SLC7A10: variants seen among roughly 807,000 people sequenced by gnomAD.
SLC7A10 encodes the protein asc-type amino acid transporter 1.
Under a neutral mutation model 52.7 loss-of-function variants are expected in SLC7A10, and 30 were observed. The ratio of observed to expected loss-of-function variants is 0.57; its 90% CI spans 0.43 to 0.77. The LOEUF is 0.77. Ranked by LOEUF, SLC7A10 falls within the 30% of genes least tolerant of loss-of-function variation. The pLI is 0.00. For missense variants in SLC7A10, 581 were observed against 698.5 expected (o/e 0.83, Z 1.90); for synonymous variants, 318 against 314.9 (o/e 1.01, Z -0.10).
In SLC7A10 at chr19:33,210,033, C is replaced by T. The variant is rs763489379; in HGVS notation, c.1263+434G>A. On this transcript the variant is annotated intron_variant, in intron 9 of 10. Transcript: ENST00000253188. This position sits in a 1 kb window ranked among gnomAD's most constrained non-coding sequence, Gnocchi z 5.6. ...ACCGCTCACTGCAGCCTCAACCTCC[C>T]GGGCTCAAGCGATCCTCCCATTTCA... 2.0e-5 allele frequency among the ~76,000 whole-genome samples: 3 copies of T among 151,920 alleles called. No individual in the cohort carries two copies. The highest frequency in any genetic ancestry group is 2.9e-5 in the Non-Finnish European group (2 of 67,970).
chr19:33,223,023 G>T (rs183290154), intron 1 of SLC7A10, among the ~76,000 whole-genome samples: 10 of 152,128 alleles, frequency 6.6e-5, no homozygotes, highest in Non-Finnish European at 1.2e-4. Flanking sequence ...GAAGCAGGAC[G>T]TTGGCTGGGC....
At position 33,215,955 on chromosome 19, in the gene SLC7A10, C is replaced by A. The variant is rs1300364139; in HGVS notation, c.170G>T (p.Gly57Val). The change falls in exon 2 of 11, where the codon GGC becomes GTC. Residue 57 changes from glycine (G) to valine (V), a missense_variant. Transcript: ENST00000253188. ...TIIIGNIIGS[G>V]IFISPKGVLE... ...GACCCCCTTGGGCGAGATGAAGATG[C>A]CCGAGCCGATGATGTTCCCTGCAGG... 2.8e-5 allele frequency: 45 copies of A among 1,586,398 alleles called. No individual in the cohort carries two copies. The highest frequency in any genetic ancestry group is 3.4e-5 in the Non-Finnish European group (39 of 1,160,710).
chr19:33,213,249 C>T (rs946311631), intron 2 of SLC7A10, among the ~76,000 whole-genome samples: 2 of 151,892 alleles, frequency 1.3e-5, no homozygotes, highest in Non-Finnish European at 2.9e-5. Flanking sequence ...GTGGGGCAGG[C>T]GCTGGGAACA....
rs1357867562 is a variant in SLC7A10 at position 33,209,022 on chromosome 19, C to CT, written c.1442-2dup. ...TCCTGGCCCCAGTGTGTCATGGACT[C>CT]TGAGGACAGACAGATGGACCTTGGG... On this transcript the variant is annotated splice_acceptor_variant, in intron 10 of 10. Coordinates refer to ENST00000253188, the MANE Select transcript of SLC7A10 (RefSeq NM_019849.3). LOFTEE classifies it high-confidence loss of function. 6.2e-7 allele frequency: 1 copy of CT among 1,613,664 alleles called. No individual in the cohort carries two copies. Among genetic ancestry groups the CT allele is most frequent in the Non-Finnish European group, 8.5e-7 (1 of 1,180,012 alleles).
Position 33,209,379 on chromosome 19 carries a change from AG to A in SLC7A10, c.1369del (p.Thr458ArgfsTer26). ...CAGAAAGAAAATGGGCACCCCCGTA[AG>A]GATGATGATGACGCCGACCCCACAG... ...MVCGVGVIII[L>X]TGVPIFFLGV... On this transcript the variant is annotated frameshift_variant, in exon 10 of 11. Coordinates refer to ENST00000253188, the MANE Select transcript of SLC7A10 (RefSeq NM_019849.3). LOFTEE classifies it high-confidence loss of function. The A allele has an allele frequency of 6.2e-7, 1 of 1,614,074 alleles. No homozygotes were observed. Among genetic ancestry groups the A allele is most frequent in the Non-Finnish European group, 8.5e-7 (1 of 1,180,016 alleles).
chr19:33,224,118 G>A lies in SLC7A10; in HGVS notation c.151+1435C>T, dbSNP rs184640952. 2.0e-3 allele frequency among the ~76,000 whole-genome samples: 310 copies of A among 152,278 alleles called. 2 individuals carry two copies. The highest frequency in any genetic ancestry group is 3.6e-3 in the Admixed American group (55 of 15,298). On this transcript the variant is annotated intron_variant, in intron 1 of 10. Coordinates refer to ENST00000253188, the MANE Select transcript of SLC7A10 (RefSeq NM_019849.3). ...GGCTTAGCTGAGGAGCCCAGGCAGA[G>A]CTGTGTCTTTCTGCACCTGCCTGGC... is the stretch of plus-strand genomic sequence containing the variant.
Position 33,209,395 on chromosome 19 carries a change from C to G in SLC7A10, c.1354G>C (p.Gly452Arg), listed in dbSNP as rs542212754. The change falls in exon 10 of 11, where the codon GGC becomes CGC. Residue 452 changes from glycine (G) to arginine (R), a missense_variant. Gly to Arg is a moderately radical substitution (Grantham distance 125). Transcript: ENST00000253188. The stretch of plus-strand genomic sequence containing the variant: ...ACCCCCGTAAGGATGATGATGACGC[C>G]GACCCCACAGACCATAGGCTCTGAG... ...FISEPMVCGV[G>R]VIIILTGVPI... 1.2e-6 allele frequency: 2 copies of G among 1,614,040 alleles called. No homozygotes were observed. Among genetic ancestry groups the G allele is most frequent in the Non-Finnish European group, 1.7e-6 (2 of 1,180,008 alleles).
Position 33,210,546 on chromosome 19 carries a change from T to G in SLC7A10, c.1184A>C (p.Asn395Thr), listed in dbSNP as rs1212967823. 1 of 1,612,008 alleles carries G rather than the reference T, an allele frequency of 6.2e-7. No homozygotes were observed. The highest frequency in any genetic ancestry group is 1.1e-5 in the South Asian group (1 of 91,080). Residue 395 changes from asparagine to threonine, a missense_variant, in exon 9 of 11, where the codon AAC becomes ACC. Asn to Thr is a moderately conservative substitution (Grantham distance 65, BLOSUM62 0). Transcript: ENST00000253188. This position sits in a 1 kb window ranked among gnomAD's most constrained non-coding sequence, Gnocchi z 5.6. ...YTLINYVSFI[N>T]YLCYGVTILG... Reference sequence around the variant, plus strand: ...GATGGTGACGCCGTAGCAGAGGTAGTTGATGAAGGACACATAGTTGATGAG... The same window carrying G: ...GATGGTGACGCCGTAGCAGAGGTAGGTGATGAAGGACACATAGTTGATGAG...
rs1974915162 is a variant in SLC7A10 at position 33,225,843 on chromosome 19, C to T, written c.-140G>A. Reference sequence around the variant, plus strand: ...GCGGGCGCATGCGCTGGCTCCGGGCCCGGGACTGGGGGCCCCGGGCGGCGG... The same window carrying T: ...GCGGGCGCATGCGCTGGCTCCGGGCTCGGGACTGGGGGCCCCGGGCGGCGG... On this transcript the variant is annotated 5_prime_UTR_variant, in exon 1 of 11. Coordinates refer to ENST00000253188, the MANE Select transcript of SLC7A10 (RefSeq NM_019849.3). 8 of 1,042,686 alleles carry T rather than the reference C, an allele frequency of 7.7e-6. 1 individual carries two copies. Among genetic ancestry groups the T allele is most frequent in the Non-Finnish European group, 9.8e-6 (8 of 818,332 alleles). 64.6% of individuals were successfully genotyped at this position (1,042,686 alleles called of 1,614,324 possible).
intron 5 of SLC7A10, chr19:33,211,955 C>G (rs1417982406): frequency 1.0e-5 from 5 of 487,690 alleles, no homozygotes; most frequent in Non-Finnish European, 1.9e-5. Context: ...GAGCATCAGA[C>G]GCAGTCATTG....
At chr19:33,212,493 C>A in intron 4 of SLC7A10, 21 bp downstream of exon 4, 1 of 1,614,006 alleles carries the variant, frequency 6.2e-7, no homozygotes, top group African/African-American at 1.3e-5. Context: ...CAGCCCGGCC[C>A]TTACCCCGAC....
chr19:33,215,427 C>T (rs564358107), intron 2 of SLC7A10, among the ~76,000 whole-genome samples: 12 of 152,122 alleles, frequency 7.9e-5, no homozygotes, highest in Admixed American at 2.0e-4. Flanking sequence ...AAGAATCCCC[C>T]CTCCTTAAGT....
chr19:33,209,320 G>C lies in SLC7A10; in HGVS notation c.1429C>G (p.His477Asp). ...VFWRSKPKCV[H>D]RLTESMTHWG... ...CTGCCCGGCTCACCTGTGAGTCTGT[G>C]CACACACTTTGGTTTGCTTCTCCAG... Residue 477 changes from histidine (H) to aspartate (D), a missense_variant, in exon 10 of 11, where the codon CAC (histidine) becomes GAC (aspartate). His to Asp is a moderately conservative substitution (Grantham distance 81). Transcript: ENST00000253188. 6.2e-7 allele frequency: 1 copy of C among 1,613,974 alleles called. No homozygotes were observed. The highest frequency in any genetic ancestry group is 8.5e-7 in the Non-Finnish European group (1 of 1,180,016).
In SLC7A10 at chr19:33,212,203, T is replaced by C. The variant is rs1296130188; in HGVS notation, c.788+89A>G. The C allele has an allele frequency of 1.6e-5, 24 of 1,536,918 alleles. No homozygotes were observed. The East Asian group carries it at 5.4e-4, about 34-fold the overall frequency. On this transcript the variant is annotated intron_variant, in intron 5 of 10. Coordinates refer to ENST00000253188, the MANE Select transcript of SLC7A10 (RefSeq NM_019849.3). ...GGGCCACCGAGGACCAGCCCGAGCC[T>C]TGGGTGGCAGTGGGGCTGGGCGGAG...
intron 2 of SLC7A10, 122 bp downstream of exon 2, chr19:33,215,647 T>TCCATCCAGCCCCCACACCTTCTCA: frequency 1.6e-6 from 1 of 640,370 alleles, no homozygotes; most frequent in Non-Finnish European, 2.1e-6. Flanking sequence ...ACACCTTCTC[T>TCCATCCAGCCCCCACACCTTCTCA]CCATCCACCC....
chr19:33,211,626 A>T (rs1450374083), intron 5 of SLC7A10, 89 bp from the exon 6 acceptor site: 1 of 1,605,052 alleles, frequency 6.2e-7, no homozygotes, highest in Non-Finnish European at 8.5e-7. Flanking sequence ...CATAGTCTCC[A>T]TCTCTTGTGT....
rs560607211 is a variant in SLC7A10, at chr19:33,209,189, G to A, written c.1441+119C>T. On this transcript the variant is annotated intron_variant, in intron 10 of 10. Transcript: ENST00000253188. ...GGAAGAGACATTTGGTGGCGGCTGG[G>A]CCCTGTGTTCCCACCTCAGCTGCTA... 6,244 of 1,525,028 alleles carry A rather than the reference G, an allele frequency of 4.1e-3. 23 individuals are homozygous for A. The highest frequency in any genetic ancestry group is 5.0e-3 in the Non-Finnish European group (5,532 of 1,115,120). The allele number at this position is 1,525,028 out of a possible 1,614,324, so 94.5% of individuals were successfully genotyped here.
chr19:33,221,142 A>ATGCCTTGCAATG (rs1376518650), intron 1 of SLC7A10: 1 of 152,252 alleles, frequency 6.6e-6, no homozygotes, highest in African/African-American at 2.4e-5. Context: ...AATGCCCTTA[A>ATGCCTTGCAATG]CATAGCTTGC....
chr19:33,212,244 C>A (rs761112864), intron 5 of SLC7A10, 48 bp downstream of exon 5: 1 of 1,564,532 alleles, frequency 6.4e-7, no homozygotes, highest in Admixed American at 1.9e-5. Flanking sequence ...GCCTGTCCCA[C>A]CAGAGGGCCT....
Sources: gnomAD v4.1 joint callset for allele counts (sites outside exome capture counted in the v4.1 genomes callset) on GRCh38, gnomAD v4.1.1 for gene constraint, Gnocchi (gnomAD v3.1) non-coding constraint, MANE v1.5 for transcripts, NCBI Gene and HGNC (gene_info 2026-07-23, HGNC 2026-07-21) for gene names.